Variants in C2CD5 observed in about 807,000 individuals in gnomAD.
C2CD5 encodes C2 domain-containing protein 5.
A neutral mutation model predicts 130.3 loss-of-function variants in C2CD5; 109 were observed. The ratio of observed to expected loss-of-function variants is 0.84; its 90% CI spans 0.72 to 0.98. C2CD5 has a LOEUF of 0.98. C2CD5 is among the 50% of genes least tolerant of loss of function. The probability of loss-of-function intolerance (pLI) is 0.00; values close to 1 mark genes in which losing one functional copy is unlikely to be tolerated. For missense variants in C2CD5, 996 were observed against 1,261.8 expected (o/e 0.79, Z 3.19); for synonymous variants, 454 against 429.2 (o/e 1.06, Z -0.71).
intron 22 of C2CD5, 147 bp from the exon 23 acceptor site, chr12:22,459,689 C>T (rs925836301): frequency 8.1e-6 from 4 of 494,326 alleles, no homozygotes; most frequent in Non-Finnish European, 1.1e-5. Context: ...ATAAAAGCAT[C>T]TAGGTTTAAA....
chr12:22,531,118 G>T (rs1951230916), intron 3 of C2CD5, among the ~76,000 whole-genome samples: 1 of 152,088 alleles, frequency 6.6e-6, no homozygotes, highest in Admixed American at 6.5e-5. Flanking sequence ...AAATCCATCT[G>T]AAATCATGTA....
chr12:22,490,883 G>A (rs2136437898), intron 11 of C2CD5, among the ~76,000 whole-genome samples: 1 of 152,230 alleles, frequency 6.6e-6, no homozygotes, highest in African/African-American at 2.4e-5. Context: ...ACCTAGGGAT[G>A]AACTGCTGAA....
intron 4 of C2CD5, among the ~76,000 whole-genome samples, chr12:22,527,183 A>G (rs2137082497): frequency 6.6e-6 from 1 of 152,188 alleles, no homozygotes; most frequent in East Asian, 1.9e-4. Context: ...GTTTTAAATC[A>G]TGCATTTACT....
chr12:22,453,594 C>T (rs1434713499), intron 26 of C2CD5, among the ~76,000 whole-genome samples: 1 of 152,142 alleles, frequency 6.6e-6, no homozygotes, highest in Admixed American at 6.6e-5. Context: ...CTTTAGCTCT[C>T]CTCAGTTAGC....
intron 22 of C2CD5, chr12:22,463,832 A>C (rs190568767): frequency 1.3e-5 from 2 of 152,334 alleles, no homozygotes; most frequent in African/African-American, 4.8e-5. Context: ...AACTTCCTAC[A>C]AATTTGGAAA....
In C2CD5 at chr12:22,470,857, T is replaced by G. The variant is rs1942906284; in HGVS notation, c.2413A>C (p.Thr805Pro). 5 of 1,612,438 alleles carry G rather than the reference T, an allele frequency of 3.1e-6. No homozygotes were observed. Among genetic ancestry groups the G allele is most frequent in the South Asian group, 1.1e-5 (1 of 91,008 alleles). Residue 805 changes from threonine (T) to proline (P), a missense_variant, in exon 21 of 27, where the codon ACA (threonine) becomes CCA (proline). Transcript: ENST00000446597. ...AATGACTTTTCAACAGGGGTTTTTG[T>G]GGTTTGTAAAGCCTGATTTTTGTCA... ...TFDKNQALQTTKTPVEKSLQR... is the reference protein window; with the variant it reads ...TFDKNQALQTPKTPVEKSLQR...
chr12:22,500,541 T>C (rs905803950), intron 10 of C2CD5, among the ~76,000 whole-genome samples: 2 of 152,202 alleles, frequency 1.3e-5, no homozygotes, highest in Admixed American at 6.5e-5. Context: ...TCTTTAACTC[T>C]TTATCTTGTA....
intron 11 of C2CD5, among the ~76,000 whole-genome samples, chr12:22,492,166 A>T (rs912685008): frequency 2.0e-5 from 3 of 152,198 alleles, no homozygotes; most frequent in South Asian, 2.1e-4. Flanking sequence ...TCACCACAAG[A>T]GCAGAGGATC....
At chr12:22,516,694 T>C (rs527322508) in intron 8 of C2CD5, among the ~76,000 whole-genome samples, 1 of 151,646 alleles carries the variant, frequency 6.6e-6, no homozygotes, top group Non-Finnish European at 1.5e-5. Context: ...GAATATGCAG[T>C]CTGTGGACCA....
intron 10 of C2CD5, among the ~76,000 whole-genome samples, chr12:22,496,319 T>C (rs1447229226): frequency 1.3e-5 from 2 of 152,108 alleles, no homozygotes; most frequent in Non-Finnish European, 2.9e-5. Flanking sequence ...TATAGGAATG[T>C]ATTGTGTTTT....
At chr12:22,451,559 T>C (rs192399970) in intron 26 of C2CD5, among the ~76,000 whole-genome samples, 23 of 152,234 alleles carry the variant, frequency 1.5e-4, no homozygotes, top group Non-Finnish European at 2.9e-4. Context: ...GGAAGACGAC[T>C]GGTGGTGGAA....
chr12:22,459,684 AG>A, intron 22 of C2CD5, 142 bp from the exon 23 acceptor site: 1 of 498,664 alleles, frequency 2.0e-6, no homozygotes, highest in Non-Finnish European at 3.5e-6. Flanking sequence ...ACCAAATAAA[AG>A]CATCTAGGTT....
At chr12:22,515,170 A>C (rs1238148850) in intron 8 of C2CD5, 10 of 971,358 alleles carry the variant, frequency 1.0e-5, no homozygotes, top group African/African-American at 1.8e-5. Flanking sequence ...AAAGTAGCAG[A>C]GAAAAGATGC....
chr12:22,524,072 G>GTT (rs1349020340), intron 6 of C2CD5, among the ~76,000 whole-genome samples: 2 of 152,252 alleles, frequency 1.3e-5, no homozygotes, highest in African/African-American at 4.8e-5. Flanking sequence ...GGGAACTACA[G>GTT]TACCTAGGGA....
At chr12:22,509,543 T>G (rs1948953273) in intron 9 of C2CD5, among the ~76,000 whole-genome samples, 1 of 152,150 alleles carries the variant, frequency 6.6e-6, no homozygotes, top group African/African-American at 2.4e-5. Flanking sequence ...ACACAAAATT[T>G]AACCTATAAT....
In C2CD5 at chr12:22,521,140, C is replaced by T. The variant is rs1349484309; in HGVS notation, c.800+2286G>A. Among the ~76,000 whole-genome samples, 5 of 151,916 alleles carry T rather than the reference C, an allele frequency of 3.3e-5. No homozygotes were observed. In the East Asian group the frequency reaches 9.6e-4, roughly 29 times the overall value. ...ATCAACAATATTACATAATTAAATACCAGAATAGTTATAATCAGCTGAATC... is the reference window on the plus strand; with the variant it reads ...ATCAACAATATTACATAATTAAATATCAGAATAGTTATAATCAGCTGAATC... On this transcript the variant is annotated intron_variant, in intron 7 of 26. Transcript: ENST00000446597.
intron 10 of C2CD5, among the ~76,000 whole-genome samples, chr12:22,501,985 T>C (rs1426253240): frequency 6.6e-6 from 1 of 152,094 alleles, no homozygotes; most frequent in Admixed American, 6.5e-5. Context: ...AAAATGGTTG[T>C]ATTATTTCAT....
intron 13 of C2CD5, chr12:22,484,300 T>C (rs1945160126): frequency 6.4e-6 from 1 of 155,478 alleles, no homozygotes; most frequent in African/African-American, 2.4e-5. Context: ...AAAGGAACTC[T>C]TACCAGCTAA....
At position 22,494,457 on chromosome 12, in the gene C2CD5, G is replaced by A. The variant is rs527817908; in HGVS notation, c.1148-1120C>T. The stretch of plus-strand genomic sequence containing the variant: ...GAATTATACTCACTAGTAAAATAGT[G>A]AAGACAGCAAAGTAAAGAAAGGTTA... On this transcript the variant is annotated intron_variant, in intron 10 of 26. Transcript: ENST00000446597. Among the ~76,000 whole-genome samples the A allele has an allele frequency of 3.7e-4, 57 of 152,164 alleles. 1 individual carries two copies. In the South Asian group the frequency reaches 7.2e-3, roughly 19 times the overall value.
Sources: gnomAD v4.1 joint callset for allele counts (sites outside exome capture counted in the v4.1 genomes callset) on GRCh38, gnomAD v4.1.1 for gene constraint, MANE v1.5 for transcripts, NCBI Gene and HGNC (gene_info 2026-07-23, HGNC 2026-07-21) for gene names.